TSHZ2: variants seen among roughly 807,000 people sequenced by gnomAD.
TSHZ2 encodes the protein teashirt homolog 2.
A neutral mutation model predicts 74.4 loss-of-function variants in TSHZ2; 21 were observed. The observed-to-expected ratio is 0.28, with a 90% CI of 0.20 to 0.41. The LOEUF is 0.41. Among genes scored for constraint, TSHZ2 ranks in the 10% least tolerant of loss-of-function variants. The probability of loss-of-function intolerance (pLI) is 1.00; values close to 1 mark genes in which losing one functional copy is unlikely to be tolerated. For synonymous variants in TSHZ2, 540 were observed against 515.3 expected (o/e 1.05, Z -0.65); for missense variants, 1,244 against 1,293.5 (o/e 0.96, Z 0.59).
intron 2 of TSHZ2, among the ~76,000 whole-genome samples, chr20:53,393,906 A>C (rs1982352372): frequency 6.6e-6 from 1 of 152,220 alleles, no homozygotes; most frequent in South Asian, 2.1e-4. Context: ...TTTTTTAAAA[A>C]TTCTAACGAC....
At position 53,255,057 on chromosome 20, in the gene TSHZ2, C is replaced by T. The variant is rs61758129; in HGVS notation, c.1599C>T (p.Asn533=). 1,712 of 1,614,140 alleles carry T rather than the reference C, an allele frequency of 1.1e-3. 3 individuals carry two copies. The highest frequency in any genetic ancestry group is 1.3e-3 in the Non-Finnish European group (1,558 of 1,180,038). The stretch of plus-strand genomic sequence containing the variant: ...CCACAGCCATCAACAAAGCCCAAAA[C>T]GGGGCCCCCAGCTGGAGTGCCTACC... ...TVTTAINKAQ[N]GAPSWSAYPS... Residue 533 remains asparagine, a synonymous_variant, in exon 2 of 3, where the codon AAC becomes AAT. Coordinates refer to ENST00000371497, the MANE Select transcript of TSHZ2 (RefSeq NM_173485.6). This position sits in a 1 kb window ranked among gnomAD's most constrained non-coding sequence, Gnocchi z 4.1.
intron 2 of TSHZ2, among the ~76,000 whole-genome samples, chr20:53,305,687 T>G (rs1042843082): frequency 2.0e-5 from 3 of 152,026 alleles, no homozygotes. Context: ...AATATAAAAA[T>G]GTGTTTGGCT....
At chr20:53,396,219 G>A (rs1346845676) in intron 2 of TSHZ2, among the ~76,000 whole-genome samples, 4 of 152,242 alleles carry the variant, frequency 2.6e-5, no homozygotes, top group African/African-American at 7.2e-5. Flanking sequence ...TTACAGGCGT[G>A]AGCCACTGTG....
intron 1 of TSHZ2, among the ~76,000 whole-genome samples, chr20:53,134,391 GT>G (rs1459616391): frequency 2.6e-5 from 4 of 152,174 alleles, no homozygotes; most frequent in African/African-American, 9.7e-5. Context: ...AACAATATAT[GT>G]TTTTTTCTGA....
chr20:53,282,490 A>G (rs1291008043), intron 2 of TSHZ2, among the ~76,000 whole-genome samples: 1 of 152,196 alleles, frequency 6.6e-6, no homozygotes, highest in Non-Finnish European at 1.5e-5. Context: ...CGCTTTAAGT[A>G]GCGATATTAC....
intron 2 of TSHZ2, among the ~76,000 whole-genome samples, chr20:53,343,831 A>C (rs548762282): frequency 2.6e-5 from 4 of 152,302 alleles, no homozygotes; most frequent in Admixed American, 2.6e-4. Flanking sequence ...GGTGATCCTA[A>C]AAATTAAATG....
intron 1 of TSHZ2, among the ~76,000 whole-genome samples, chr20:53,052,826 C>A (rs968195851): frequency 6.6e-6 from 1 of 152,130 alleles, no homozygotes; most frequent in South Asian, 2.1e-4. Flanking sequence ...TGGATACATA[C>A]CCAAAAGTGG....
At chr20:53,457,522 C>T (rs1183875552) in intron 2 of TSHZ2, among the ~76,000 whole-genome samples, 8 of 127,838 alleles carry the variant, frequency 6.3e-5, no homozygotes, top group Non-Finnish European at 1.1e-4. Context: ...AATTTGACTT[C>T]CTCTTTTCCT....
In TSHZ2 at chr20:53,047,368, C is replaced by T. The variant is rs191687736; in HGVS notation, c.40+74035C>T. 5.3e-5 allele frequency among the ~76,000 whole-genome samples: 8 copies of T among 152,204 alleles called. No homozygotes were observed. In the South Asian group the frequency reaches 6.2e-4, roughly 12 times the overall value. Reference sequence around the variant, plus strand: ...ACCTTCTCTTTGGTTGCTCTGCCACCGTAACACAAGGCTTCCTTCTGATGG... The same window carrying T: ...ACCTTCTCTTTGGTTGCTCTGCCACTGTAACACAAGGCTTCCTTCTGATGG... On this transcript the variant is annotated intron_variant, in intron 1 of 2. Coordinates refer to ENST00000371497, the MANE Select transcript of TSHZ2 (RefSeq NM_173485.6).
chr20:53,029,689 A>G (rs1159463636), intron 1 of TSHZ2, among the ~76,000 whole-genome samples: 1 of 152,178 alleles, frequency 6.6e-6, no homozygotes, highest in Non-Finnish European at 1.5e-5. Flanking sequence ...AAATTAATAA[A>G]TACGGATAAA....
At chr20:52,979,706 G>C (rs891404979) in intron 1 of TSHZ2, among the ~76,000 whole-genome samples, 1 of 152,112 alleles carries the variant, frequency 6.6e-6, no homozygotes, top group African/African-American at 2.4e-5. Flanking sequence ...TGTAGAAAAA[G>C]ACATCCTCTG....
intron 2 of TSHZ2, among the ~76,000 whole-genome samples, chr20:53,473,696 A>G (rs1985902798): frequency 6.6e-6 from 1 of 151,816 alleles, no homozygotes; most frequent in Non-Finnish European, 1.5e-5. Flanking sequence ...GCTTCAGACG[A>G]TCAAATTACT....
At chr20:53,104,733 T>TGCCC (rs1383024891) in intron 1 of TSHZ2, among the ~76,000 whole-genome samples, 3 of 152,188 alleles carry the variant, frequency 2.0e-5, no homozygotes, top group Non-Finnish European at 2.9e-5. Context: ...AATGAAGGAA[T>TGCCC]GCCCGCCTGG....
intron 1 of TSHZ2, among the ~76,000 whole-genome samples, chr20:53,173,051 G>C (rs751500132): frequency 6.6e-6 from 1 of 152,138 alleles, no homozygotes; most frequent in Non-Finnish European, 1.5e-5. Context: ...TCTTGAGCTG[G>C]TGCATGACAC....
intron 1 of TSHZ2, chr20:53,208,672 G>C (rs868752093): frequency 6.6e-6 from 1 of 152,176 alleles, no homozygotes; most frequent in South Asian, 2.1e-4. Context: ...GGTTGGAATT[G>C]CTGTTCTCCT....
chr20:53,330,365 T>C (rs1979676924), intron 2 of TSHZ2, among the ~76,000 whole-genome samples: 1 of 152,200 alleles, frequency 6.6e-6, no homozygotes, highest in African/African-American at 2.4e-5. Flanking sequence ...TTTGAGGTGA[T>C]ATGTAGGCTT....
At chr20:53,365,404 C>T (rs1182940463) in intron 2 of TSHZ2, among the ~76,000 whole-genome samples, 2 of 152,098 alleles carry the variant, frequency 1.3e-5, no homozygotes, top group African/African-American at 4.8e-5. Flanking sequence ...ATACACATGC[C>T]AGGGTTTCTA....
intron 2 of TSHZ2, among the ~76,000 whole-genome samples, chr20:53,403,323 G>C (rs1051723426): frequency 5.9e-5 from 9 of 152,054 alleles, no homozygotes; most frequent in Non-Finnish European, 1.2e-4. Flanking sequence ...TTAGATTGAG[G>C]CTCCATAAAT....
At chr20:53,243,456 A>G (rs1160219065) in intron 1 of TSHZ2, among the ~76,000 whole-genome samples, 3 of 152,182 alleles carry the variant, frequency 2.0e-5, no homozygotes, top group Non-Finnish European at 4.4e-5. Context: ...CAATCCTTTG[A>G]TTCGATCAAA....
Sources: allele counts gnomAD v4.1 joint callset (sites outside exome capture counted in the v4.1 genomes callset), GRCh38; gene constraint gnomAD v4.1.1; non-coding constraint Gnocchi (gnomAD v3.1); transcripts MANE v1.5; gene names NCBI Gene and HGNC (gene_info 2026-07-23, HGNC 2026-07-21).